Variants in ZKSCAN3 observed in about 807,000 individuals in gnomAD.
ZKSCAN3 encodes the protein zinc finger protein with KRAB and SCAN domains 3.
In ZKSCAN3, 21 loss-of-function variants were observed where a neutral mutation model predicts 30.7. The observed-to-expected ratio is 0.68, with a 90% CI of 0.49 to 0.99. The LOEUF (loss-of-function observed/expected upper bound fraction) is 0.99. Among genes scored for constraint, ZKSCAN3 ranks in the 50% least tolerant of loss-of-function variants. The probability of loss-of-function intolerance (pLI) is 0.00; values close to 1 mark genes in which losing one functional copy is unlikely to be tolerated. For missense variants in ZKSCAN3, 507 were observed against 647.1 expected (o/e 0.78, Z 2.35); for synonymous variants, 201 against 246.7 (o/e 0.81, Z 1.73).
chr6:28,359,447 G>T, intron 1 of ZKSCAN3, 78 bp from the exon 2 acceptor site: 1 of 1,086,502 alleles, frequency 9.2e-7, no homozygotes, highest in Non-Finnish European at 1.3e-6. Context: ...GTTCCCCAGA[G>T]ATGTCTCTGG....
At chr6:28,353,894 T>C (rs1465622177) in intron 1 of ZKSCAN3, 1 of 456,342 alleles carries the variant, frequency 2.2e-6, no homozygotes, top group East Asian at 6.9e-5. Context: ...TTCCAGCCCA[T>C]ACTGAGGTCC....
chr6:28,365,279 C>G, intron 5 of ZKSCAN3, 147 bp from the exon 6 acceptor site: 2 of 1,185,318 alleles, frequency 1.7e-6, no homozygotes, highest in South Asian at 3.1e-5. Context: ...CACTCCTGTT[C>G]TCCCCTTTTA....
At chr6:28,361,290 T>G in intron 2 of ZKSCAN3, 34 bp from the exon 3 acceptor site, 1 of 1,606,766 alleles carries the variant, frequency 6.2e-7, no homozygotes, top group South Asian at 1.1e-5. Flanking sequence ...AAGTGTTTGA[T>G]GAAAACATGA....
intron 1 of ZKSCAN3, 149 bp from the exon 2 acceptor site, chr6:28,359,376 T>G: frequency 1.0e-5 from 6 of 596,280 alleles, no homozygotes; most frequent in Middle Eastern, 4.6e-4. Context: ...GGGATTCAGG[T>G]TTGGGGTGGT....
In ZKSCAN3 at chr6:28,359,880, G is replaced by C. The variant is rs754799844; in HGVS notation, c.294G>C (p.Leu98=). 1 of 1,614,012 alleles carries C rather than the reference G, an allele frequency of 6.2e-7. No individual in the cohort carries two copies. The highest frequency in any genetic ancestry group is 1.3e-5 in the African/African-American group (1 of 74,944). The change falls in exon 2 of 6, where the codon CTG becomes CTC. Residue 98 remains leucine, a synonymous_variant. Transcript: ENST00000252211. ...TGCTGGAGCAGTTCCTGACCATCCT[G>C]CCGGGGAATCTGCAGAGCTGGGTGC... ...LLVLEQFLTI[L]PGNLQSWVRE...
rs1766012138 is a variant in ZKSCAN3, at chr6:28,367,488, T to A, written c.*1203T>A. 6.6e-6 allele frequency: 1 copy of A among 152,020 alleles called. No individual in the cohort carries two copies. The highest frequency in any genetic ancestry group is 2.1e-4 in the South Asian group (1 of 4,820). 9.4% of individuals were successfully genotyped at this position (152,020 alleles called of 1,614,324 possible). A position where few individuals can be genotyped will look rare whatever the true frequency, so the allele number is the denominator to read the frequency against. ...TTAATGTTTTCCTGTTGCTATTCTT[T>A]AAGGAAAAAACTTTCCTATTCAGAC... On this transcript the variant is annotated 3_prime_UTR_variant, in exon 6 of 6. Transcript: ENST00000252211.
At chr6:28,361,494 T>C in intron 3 of ZKSCAN3, 23 bp downstream of exon 3, 1 of 1,581,064 alleles carries the variant, frequency 6.3e-7, no homozygotes, top group South Asian at 1.2e-5. Flanking sequence ...TTCTAGACAG[T>C]ATGAATTCTG....
chr6:28,352,964 C>CTTTTT (rs5875156), intron 1 of ZKSCAN3, among the ~76,000 whole-genome samples: 3 of 129,918 alleles, frequency 2.3e-5, no homozygotes, highest in Non-Finnish European at 3.2e-5. Flanking sequence ...TTTTCTTTTT[C>CTTTTT]TTTTTTTTTT....
chr6:28,363,273 C>T (rs1402593886), intron 3 of ZKSCAN3, 30 bp from the exon 4 acceptor site: 2 of 1,596,226 alleles, frequency 1.3e-6, no homozygotes, highest in Admixed American at 1.7e-5. Flanking sequence ...TGCCAGGGTA[C>T]ATCTCATCCA....
rs757683465 is a variant in ZKSCAN3 at position 28,363,729 on chromosome 6, C to A, written c.671C>A (p.Thr224Asn). ...LKVEDVALTL[T>N]PEWTQQDSSQ... is the part of the protein sequence containing the mutation. ...GTGGAAGATGTGGCCCTGACCCTCACCCCTGAATGGACACAGCAGGATTCA... is the reference window on the plus strand; with the variant it reads ...GTGGAAGATGTGGCCCTGACCCTCAACCCTGAATGGACACAGCAGGATTCA... The change falls in exon 5 of 6, where the codon ACC (threonine) becomes AAC (asparagine). Residue 224 changes from threonine to asparagine, a missense_variant. By Grantham distance (65) the Thr-to-Asn change is moderately conservative. Transcript: ENST00000252211. 3 of 1,614,020 alleles carry A rather than the reference C, an allele frequency of 1.9e-6. No individual in the cohort carries two copies. The highest frequency in any genetic ancestry group is 2.2e-5 in the East Asian group (1 of 44,880).
At position 28,365,478 on chromosome 6, in the gene ZKSCAN3, A is replaced by G. The variant is rs755126841; in HGVS notation, c.810A>G (p.Pro270=). The change falls in exon 6 of 6, where the codon CCA becomes CCG. Residue 270 remains proline (P), a synonymous_variant. Transcript: ENST00000252211. Reference sequence around the variant, plus strand: ...ACTTGCCTCCAGCTGAGGAGCTTCCAGAAAAGGAGCATGGGAAGATATCGT... The same window carrying G: ...ACTTGCCTCCAGCTGAGGAGCTTCCGGAAAAGGAGCATGGGAAGATATCGT... The part of the protein sequence containing the change: ...SRDLPPAEEL[P]EKEHGKISCH... 2 of 1,614,016 alleles carry G rather than the reference A, an allele frequency of 1.2e-6. No individual in the cohort carries two copies. The highest frequency in any genetic ancestry group is 3.3e-5 in the Admixed American group (2 of 59,996).
intron 1 of ZKSCAN3, among the ~76,000 whole-genome samples, chr6:28,352,191 G>A (rs1253983946): frequency 6.6e-6 from 1 of 152,084 alleles, no homozygotes; most frequent in Non-Finnish European, 1.5e-5. Flanking sequence ...GGATTTGGTC[G>A]ATTGCTTCTT....
At chr6:28,364,723 GTTTA>G (rs1227413780) in intron 5 of ZKSCAN3, among the ~76,000 whole-genome samples, 1 of 151,958 alleles carries the variant, frequency 6.6e-6, no homozygotes, top group Non-Finnish European at 1.5e-5. Flanking sequence ...TCGCTGTTTC[GTTTA>G]TTTATTTCTT....
At position 28,359,720 on chromosome 6, in the gene ZKSCAN3, CCCGCGAGCGCTTCCGAGGCTT is replaced by C; in HGVS notation, c.139_159del (p.Glu47_Arg53del). The C allele has an allele frequency of 6.2e-7, 1 of 1,614,196 alleles. No individual in the cohort carries two copies. The highest frequency in any genetic ancestry group is 8.5e-7 in the Non-Finnish European group (1 of 1,180,042). On this transcript the variant is annotated inframe_deletion, in exon 2 of 6. Transcript: ENST00000252211. ...AGCCCAGATCTGGGTTCTGAGGGCT[CCCGCGAGCGCTTCCGAGGCTT>C]CCGCTACCCGGAGGCTGCAGGCCCC... is the stretch of plus-strand genomic sequence containing the variant.
At position 28,359,778 on chromosome 6, in the gene ZKSCAN3, G is replaced by C. The variant is rs1424975642; in HGVS notation, c.192G>C (p.Leu64=). The stretch of plus-strand genomic sequence containing the variant: ...AGGCTGCAGGCCCCCGCGAGGCGCT[G>C]AGTCGGCTCCGAGAGCTCTGCCGAC... ...YPEAAGPREA[L]SRLRELCRQW... Residue 64 remains leucine (L), a synonymous_variant, in exon 2 of 6, where the codon CTG becomes CTC. Transcript: ENST00000252211. 6.2e-7 allele frequency: 1 copy of C among 1,614,106 alleles called. No homozygotes were observed. Among genetic ancestry groups the C allele is most frequent in the African/African-American group, 1.3e-5 (1 of 74,948 alleles).
intron 1 of ZKSCAN3, chr6:28,353,188 C>T (rs2077474): frequency 0.097 from 14,829 of 152,474 alleles, 1,058 homozygotes; most frequent in East Asian, 0.3. Flanking sequence ...AGGATGGTCT[C>T]GATCTCTTGA....
chr6:28,357,713 G>A (rs1765520915), intron 1 of ZKSCAN3, among the ~76,000 whole-genome samples: 2 of 152,174 alleles, frequency 1.3e-5, no homozygotes, highest in Admixed American at 1.3e-4. Flanking sequence ...GTCTTGAAGG[G>A]GAAGAAAGAA....
chr6:28,352,383 G>A (rs1447938860), intron 1 of ZKSCAN3, among the ~76,000 whole-genome samples: 1 of 152,044 alleles, frequency 6.6e-6, no homozygotes, highest in East Asian at 1.9e-4. Context: ...CTCCCAAGTA[G>A]CTGGGATTAC....
rs1413865094 is a variant in ZKSCAN3, at chr6:28,366,114, T to C, written c.1446T>C (p.Cys482=). 3.1e-6 allele frequency: 5 copies of C among 1,610,318 alleles called. No homozygotes were observed. In the Admixed American group the frequency reaches 8.5e-5, roughly 27 times the overall value. Residue 482 remains cysteine, a synonymous_variant, in exon 6 of 6, where the codon TGT becomes TGC. Transcript: ENST00000252211. ...ENVETPMSYK[C]NECERSFTQN... The stretch of plus-strand genomic sequence containing the variant: ...TTGAAACTCCCATGTCTTATAAATG[T>C]AATGAGTGTGAAAGAAGTTTCACTC...
Sources: allele counts gnomAD v4.1 joint callset (sites outside exome capture counted in the v4.1 genomes callset), GRCh38; gene constraint gnomAD v4.1.1; transcripts MANE v1.5; gene names NCBI Gene and HGNC (gene_info 2026-07-23, HGNC 2026-07-21).